Variants in C9orf43 observed in about 807,000 individuals in gnomAD.
C9orf43 encodes chromosome 9 open reading frame 43.
In C9orf43, 45 loss-of-function variants were observed where a neutral mutation model predicts 59.1. The ratio of observed to expected loss-of-function variants is 0.76; its 90% CI spans 0.60 to 0.98. C9orf43 has a LOEUF of 0.98. C9orf43 is among the 50% of genes least tolerant of loss of function. The pLI, the probability that C9orf43 is intolerant of heterozygous loss-of-function variation, is 0.00. For missense variants in C9orf43, 533 were observed against 554.9 expected (o/e 0.96, Z 0.40); for synonymous variants, 203 against 196.8 (o/e 1.03, Z -0.26).
Position 113,429,215 on chromosome 9 carries a change from T to G in C9orf43, c.1215T>G (p.Ser405Arg). The G allele has an allele frequency of 6.2e-7, 1 of 1,614,262 alleles. No homozygotes were observed. Among genetic ancestry groups the G allele is most frequent in the Non-Finnish European group, 8.5e-7 (1 of 1,180,040 alleles). Residue 405 changes from serine (S) to arginine (R), a missense_variant, in exon 14 of 14, where the codon AGT becomes AGG. Transcript: ENST00000374165. ...CAGAACCCACTAACAAGGACATTAG[T>G]GCTCCAGTGGACGCTGTGCCAGAAG... ...YETEPTNKDI[S>R]APVDAVPEAQ...
At position 113,413,770 on chromosome 9, in the gene C9orf43, G is replaced by T. The variant is rs1381616869; in HGVS notation, c.163G>T (p.Val55Leu). 6.2e-7 allele frequency: 1 copy of T among 1,614,002 alleles called. No homozygotes were observed. The change falls in exon 3 of 14, where the codon GTG becomes TTG. Residue 55 changes from valine to leucine, a missense_variant. Physicochemically the swap from Val to Leu is conservative, Grantham distance 32. Coordinates refer to ENST00000374165, the MANE Select transcript of C9orf43 (RefSeq NM_001278629.2). ...TPLDAEDKLPVLTVVDILDSG... is the reference protein window; with the variant it reads ...TPLDAEDKLPLLTVVDILDSG... ...GTCTGCCTTCTTAGATAAACTCCCA[G>T]TGCTCACCGTGGTAGACATCTTAGA...
intron 13 of C9orf43, 103 bp from the exon 14 acceptor site, chr9:113,429,069 C>T (rs1449295525): frequency 2.7e-6 from 4 of 1,488,826 alleles, no homozygotes; most frequent in Non-Finnish European, 3.7e-6. Context: ...GTTCCTCTAT[C>T]TCAGAGAAGT....
chr9:113,428,977 G>A lies in C9orf43; in HGVS notation c.1171+14G>A, dbSNP rs1325739007. 1 of 1,609,022 alleles carries A rather than the reference G, an allele frequency of 6.2e-7. No individual in the cohort carries two copies. The highest frequency in any genetic ancestry group is 2.2e-5 in the East Asian group (1 of 44,876). On this transcript the variant is annotated intron_variant, in intron 13 of 13. Coordinates refer to ENST00000374165, the MANE Select transcript of C9orf43 (RefSeq NM_001278629.2). ...ACAGTGTAAAAAGTAAGTTACTAGAGTAGAGGAACCTTAGTAAGTGACTGA... is the reference window on the plus strand; with the variant it reads ...ACAGTGTAAAAAGTAAGTTACTAGAATAGAGGAACCTTAGTAAGTGACTGA...
Position 113,423,310 on chromosome 9 carries a change from A to G in C9orf43, c.484-16A>G, listed in dbSNP as rs572461808. The G allele has an allele frequency of 1.8e-4, 293 of 1,611,984 alleles. 3 individuals carry two copies. The South Asian group carries it at 3.1e-3, about 17-fold the overall frequency. On this transcript the variant is annotated splice_polypyrimidine_tract_variant and intron_variant, in intron 6 of 13. Transcript: ENST00000374165. ...AAGAATGCTTTGGAGAATTCTTTCC[A>G]TTGTTTCTCTTCCAGAAAAGCAAGT...
chr9:113,422,632 A>G (rs763180646), intron 6 of C9orf43, 47 bp downstream of exon 6: 6 of 1,602,980 alleles, frequency 3.7e-6, no homozygotes, highest in African/African-American at 1.3e-5. Flanking sequence ...TGCTATGTAG[A>G]GTTTATTTTG....
Position 113,429,053 on chromosome 9 carries a change from G to C in C9orf43, c.1171+90G>C, listed in dbSNP as rs1828893574. On this transcript the variant is annotated intron_variant, in intron 13 of 13. Coordinates refer to ENST00000374165, the MANE Select transcript of C9orf43 (RefSeq NM_001278629.2). ...GACCAGGATAGTTTACCTCCCTGAA[G>C]GCACAGTTCCTCTATCTCAGAGAAG... 9 of 1,480,942 alleles carry C rather than the reference G, an allele frequency of 6.1e-6. 1 individual carries two copies. In the Admixed American group the frequency reaches 1.5e-4, roughly 25 times the overall value. The allele number at this position is 1,480,942 out of a possible 1,614,324, so 91.7% of individuals were successfully genotyped here.
intron 8 of C9orf43, 39 bp from the exon 9 acceptor site, chr9:113,424,980 C>T (rs1328987715): frequency 6.4e-7 from 1 of 1,568,372 alleles, no homozygotes; most frequent in Non-Finnish European, 8.7e-7. Context: ...AGGGAAAGAC[C>T]TGCAGTAGAG....
At position 113,413,799 on chromosome 9, in the gene C9orf43, C is replaced by T. The variant is rs143679220; in HGVS notation, c.192C>T (p.Ser64=). The T allele has an allele frequency of 2.7e-4, 437 of 1,614,192 alleles. 5 individuals carry two copies. In the South Asian group the frequency reaches 4.1e-3, roughly 15 times the overall value. The stretch of plus-strand genomic sequence containing the variant: ...TCACCGTGGTAGACATCTTAGATTC[C>T]GGCTTTGCAGCTCATCATTTACCAG... ...PVLTVVDILD[S]GFAAHHLPEC... is the part of the protein sequence containing the mutation. The change falls in exon 3 of 14, where the codon TCC becomes TCT. Residue 64 remains serine, a synonymous_variant. Coordinates refer to ENST00000374165, the MANE Select transcript of C9orf43 (RefSeq NM_001278629.2).
chr9:113,429,342 A>G lies in C9orf43; in HGVS notation c.1342A>G (p.Thr448Ala), dbSNP rs1354214393. 2 of 1,614,070 alleles carry G rather than the reference A, an allele frequency of 1.2e-6. No homozygotes were observed. Among genetic ancestry groups the G allele is most frequent in the African/African-American group, 2.7e-5 (2 of 74,944 alleles). Residue 448 changes from threonine (T) to alanine (A), a missense_variant, in exon 14 of 14, where the codon ACT becomes GCT. Coordinates refer to ENST00000374165, the MANE Select transcript of C9orf43 (RefSeq NM_001278629.2). Reference protein sequence around the residue: ...ELKLLRILQDTDDEDEEDQSS... With the variant: ...ELKLLRILQDADDEDEEDQSS... ...CAAACTACTTAGGATTCTTCAGGAC[A>G]CTGATGATGAGGATGAGGAGGACCA...
In C9orf43 at chr9:113,429,557, T is replaced by C; in HGVS notation, c.*171T>C. On this transcript the variant is annotated 3_prime_UTR_variant, in exon 14 of 14. Transcript: ENST00000374165. The stretch of plus-strand genomic sequence containing the variant: ...AGCTCTGAGCTTAGGGATTCCATTT[T>C]CTTTGTTCACCTCTACTTGCCTCTA... 1.7e-6 allele frequency: 1 copy of C among 591,644 alleles called. No homozygotes were observed. Among genetic ancestry groups the C allele is most frequent in the Admixed American group, 3.1e-5 (1 of 32,486 alleles). The allele number at this position is 591,644 out of a possible 1,614,324, so 36.6% of individuals were successfully genotyped here.
chr9:113,423,366 CAGGAACACGAGT>C lies in C9orf43; in HGVS notation c.533_544del (p.Arg178_Thr181del). 6.2e-7 allele frequency: 1 copy of C among 1,614,086 alleles called. No homozygotes were observed. Among genetic ancestry groups the C allele is most frequent in the South Asian group, 1.1e-5 (1 of 91,072 alleles). ...CTGGGTCTCTCTGGAAATCAGTCCGCAGGAACACGAGTAGGAACACCAGGGATGATCGTGCCT... is the reference window on the plus strand; with the variant it reads ...CTGGGTCTCTCTGGAAATCAGTCCGCAGGAACACCAGGGATGATCGTGCCT... On this transcript the variant is annotated inframe_deletion, in exon 7 of 14. Coordinates refer to ENST00000374165, the MANE Select transcript of C9orf43 (RefSeq NM_001278629.2).
intron 13 of C9orf43, 64 bp from the exon 14 acceptor site, chr9:113,429,108 G>A: frequency 6.4e-7 from 1 of 1,559,298 alleles, no homozygotes; most frequent in East Asian, 2.2e-5. Flanking sequence ...TTCCTTTTCT[G>A]TCCTCCATTT....
chr9:113,422,989 A>G (rs567716098), intron 6 of C9orf43, among the ~76,000 whole-genome samples: 41 of 152,352 alleles, frequency 2.7e-4, no homozygotes, highest in Admixed American at 1.4e-3. Flanking sequence ...TATGTCCATG[A>G]GAGTAGTGTC....
chr9:113,427,908 C>T (rs550758516), intron 11 of C9orf43, among the ~76,000 whole-genome samples: 2 of 152,154 alleles, frequency 1.3e-5, no homozygotes, highest in African/African-American at 4.8e-5. Flanking sequence ...TGGAGGAATC[C>T]TGGGTCTTTT....
Position 113,413,579 on chromosome 9 carries a change from G to C in C9orf43, c.86G>C (p.Arg29Pro). 2.5e-6 allele frequency: 4 copies of C among 1,614,208 alleles called. No homozygotes were observed. Among genetic ancestry groups the C allele is most frequent in the Non-Finnish European group, 3.4e-6 (4 of 1,180,040 alleles). The change falls in exon 2 of 14, where the codon CGC becomes CCC. Residue 29 changes from arginine (R) to proline (P), a missense_variant. Arg to Pro is a moderately radical substitution (Grantham distance 103). Transcript: ENST00000374165. ...CQHPQCWATI[R>P]RIERGHPRIL... ...CACCCACAATGCTGGGCAACTATCCGCCGCATTGAGAGGGGCCATCCTCGA... is the reference window on the plus strand; with the variant it reads ...CACCCACAATGCTGGGCAACTATCCCCCGCATTGAGAGGGGCCATCCTCGA...
intron 5 of C9orf43, among the ~76,000 whole-genome samples, chr9:113,422,063 A>T (rs188150112): frequency 6.8e-4 from 103 of 152,208 alleles, no homozygotes; most frequent in Non-Finnish European, 8.4e-4. Flanking sequence ...GCTACTAGAG[A>T]TCCAGCTATC....
chr9:113,418,480 C>T (rs1046282500), intron 3 of C9orf43, among the ~76,000 whole-genome samples: 3 of 152,118 alleles, frequency 2.0e-5, no homozygotes, highest in Non-Finnish European at 2.9e-5. Context: ...TATGTTGTTA[C>T]GTATACATAC....
Position 113,429,347 on chromosome 9 carries a change from T to C in C9orf43, c.1347T>C (p.Asp449=). ...TACTTAGGATTCTTCAGGACACTGA[T>C]GATGAGGATGAGGAGGACCAGTCCT... The part of the protein sequence containing the change: ...LKLLRILQDT[D]DEDEEDQSSG... The change falls in exon 14 of 14, where the codon GAT becomes GAC. Residue 449 remains aspartate (D), a synonymous_variant. Transcript: ENST00000374165. 1.2e-6 allele frequency: 2 copies of C among 1,614,102 alleles called. No homozygotes were observed. Among genetic ancestry groups the C allele is most frequent in the Non-Finnish European group, 1.7e-6 (2 of 1,180,020 alleles).
intron 6 of C9orf43, 40 bp downstream of exon 6, chr9:113,422,625 T>C (rs776758120): frequency 1.3e-5 from 21 of 1,607,810 alleles, no homozygotes; most frequent in Non-Finnish European, 1.8e-5. Flanking sequence ...ATAATATTGC[T>C]ATGTAGAGTT....
Sources: gnomAD v4.1 joint callset for allele counts (sites outside exome capture counted in the v4.1 genomes callset) on GRCh38, gnomAD v4.1.1 for gene constraint, MANE v1.5 for transcripts, NCBI Gene and HGNC (gene_info 2026-07-23, HGNC 2026-07-21) for gene names.